TPGS2: variants seen among roughly 807,000 people sequenced by gnomAD.
TPGS2 encodes tubulin polyglutamylase complex subunit 2.
Under a neutral mutation model 31.1 loss-of-function variants are expected in TPGS2, and 26 were observed. The ratio of observed to expected loss-of-function variants is 0.84; its 90% CI spans 0.61 to 1.16. TPGS2 has a LOEUF of 1.16. Among genes scored for constraint, TPGS2 ranks in the 50% most tolerant of loss-of-function variants. The pLI is 0.00. For synonymous variants in TPGS2, 130 were observed against 136.6 expected, an observed-to-expected ratio of 0.95 and a Z score of 0.34; for missense variants, 351 against 363.8, an observed-to-expected ratio of 0.96 and a Z score of 0.29.
chr18:36,811,850 G>C (rs982776199), intron 2 of TPGS2, among the ~76,000 whole-genome samples: 4 of 152,232 alleles, frequency 2.6e-5, no homozygotes, highest in Non-Finnish European at 5.9e-5. Flanking sequence ...GGAAGGGGCA[G>C]AGAAGGCTGT....
chr18:36,803,798 A>G lies in TPGS2; in HGVS notation c.382+1576T>C, dbSNP rs78410309. On this transcript the variant is annotated intron_variant, in intron 4 of 6. Transcript: ENST00000334295. The stretch of plus-strand genomic sequence containing the variant: ...TGTTTGAGAATCTTTGTTTTTATCC[A>G]TAGAAAGTCTTTATGTTGTCTTAAA... Among the ~76,000 whole-genome samples, 217 of 152,282 alleles carry G rather than the reference A, an allele frequency of 1.4e-3. 2 individuals are homozygous for G. The East Asian group carries it at 0.035, about 25-fold the overall frequency.
At position 36,800,369 on chromosome 18, in the gene TPGS2, A is replaced by G. The variant is rs1044815158; in HGVS notation, c.383-58T>C. On this transcript the variant is annotated intron_variant, in intron 4 of 6. Transcript: ENST00000334295. The stretch of plus-strand genomic sequence containing the variant: ...ACAAACTCAACTCAAACACATACCT[A>G]TATATCCAACTTTGCTAGGTGGAAA... 5.5e-5 allele frequency: 80 copies of G among 1,458,280 alleles called. 1 individual carries two copies. Among genetic ancestry groups the G allele is most frequent in the South Asian group, 5.4e-4 (47 of 86,958 alleles). 90.3% of individuals were successfully genotyped at this position (1,458,280 alleles called of 1,614,324 possible). A position where few individuals can be genotyped will look rare whatever the true frequency, so the allele number is the denominator to read the frequency against.
intron 6 of TPGS2, chr18:36,798,159 G>GCCAA: frequency 8.3e-7 from 1 of 1,204,958 alleles, no homozygotes; most frequent in East Asian, 3.9e-5. Flanking sequence ...TGCATGTACT[G>GCCAA]CCAACCCAGA....
chr18:36,800,341 C>T, intron 4 of TPGS2, 30 bp from the exon 5 acceptor site: 2 of 1,598,026 alleles, frequency 1.3e-6, no homozygotes, highest in Non-Finnish European at 1.7e-6. Context: ...TGGTAATGTT[C>T]AAACAAACTC....
At chr18:36,781,329 A>G (rs1017399737), downstream of TPGS2, among the ~76,000 whole-genome samples, 1 of 152,172 alleles carries the variant, frequency 6.6e-6, no homozygotes, top group African/African-American at 2.4e-5. Flanking sequence ...AAAAATCATC[A>G]GGTCACTAAT....
downstream of TPGS2, chr18:36,780,319 G>T: frequency 1.4e-6 from 1 of 691,940 alleles, no homozygotes; most frequent in Non-Finnish European, 2.0e-6. Context: ...TTACCTGTGT[G>T]GTTTGTTTTG....
Position 36,796,913 on chromosome 18 carries a change from C to T in TPGS2, c.795G>A (p.Gly265=), listed in dbSNP as rs770692384. The T allele has an allele frequency of 6.2e-7, 1 of 1,610,280 alleles. No homozygotes were observed. The highest frequency in any genetic ancestry group is 8.5e-7 in the Non-Finnish European group (1 of 1,178,772). Residue 265 remains glycine, a synonymous_variant, in exon 7 of 7, where the codon GGG becomes GGA. Transcript: ENST00000334295. ...KNKIVIPKKK[G]PVQPAGGQKG... is the part of the protein sequence containing the mutation. ...TCTGGCCACCTGCAGGCTGCACAGG[C>T]CCTTTCTTTTTTGGGATTACGATCT...
In TPGS2 at chr18:36,796,895, A is replaced by G; in HGVS notation, c.813T>C (p.Gly271=). The G allele has an allele frequency of 3.7e-6, 6 of 1,611,346 alleles. No homozygotes were observed. Among genetic ancestry groups the G allele is most frequent in the East Asian group, 2.2e-5 (1 of 44,828 alleles). The change falls in exon 7 of 7, where the codon GGT becomes GGC. Residue 271 remains glycine, a synonymous_variant. Transcript: ENST00000334295. ...PKKKGPVQPA[G]GQKGPSGPSG... is the part of the protein sequence containing the mutation. ...AGGGTCCTGAGGGCCCTTTCTGGCC[A>G]CCTGCAGGCTGCACAGGCCCTTTCT...
Position 36,795,824 on chromosome 18 carries a change from C to A in TPGS2, c.*981G>T. 4.1e-6 allele frequency: 4 copies of A among 985,456 alleles called. No homozygotes were observed. The highest frequency in any genetic ancestry group is 4.8e-6 in the Non-Finnish European group (4 of 829,948). 61.0% of individuals were successfully genotyped at this position (985,456 alleles called of 1,614,324 possible). On this transcript the variant is annotated 3_prime_UTR_variant, in exon 7 of 7. Coordinates refer to ENST00000334295, the MANE Select transcript of TPGS2 (RefSeq NM_015476.4). ...AGGGACCAGGCAAAGTGAGGCTGGACAACTCAGAGCTGTGAAGAGGCAGGC... is the reference window on the plus strand; with the variant it reads ...AGGGACCAGGCAAAGTGAGGCTGGAAAACTCAGAGCTGTGAAGAGGCAGGC...
rs1304947630 is a variant in TPGS2, at chr18:36,794,544, A to G, written c.*2261T>C. 7 of 985,326 alleles carry G rather than the reference A, an allele frequency of 7.1e-6. No individual in the cohort carries two copies. Among genetic ancestry groups the G allele is most frequent in the Non-Finnish European group, 8.4e-6 (7 of 829,954 alleles). 61.0% of individuals were successfully genotyped at this position (985,326 alleles called of 1,614,324 possible). A position where few individuals can be genotyped will look rare whatever the true frequency, so the allele number is the denominator to read the frequency against. On this transcript the variant is annotated 3_prime_UTR_variant, in exon 7 of 7. Transcript: ENST00000334295. ...GGGGTATCTGCTGCAGTGGAAGATGACATAACTTCTCAACTCCCTTCTAAC... is the reference window on the plus strand; with the variant it reads ...GGGGTATCTGCTGCAGTGGAAGATGGCATAACTTCTCAACTCCCTTCTAAC...
exon 7 of TPGS2, chr18:36,783,097 G>A (rs1453693225): frequency 5.0e-6 from 2 of 398,308 alleles, no homozygotes; most frequent in Non-Finnish European, 8.8e-6. Flanking sequence ...TAAATCCACC[G>A]GAGGACTAGA....
chr18:36,788,707 GTTTTT>G (rs1472483931), intron 6 of TPGS2: 3 of 152,048 alleles, frequency 2.0e-5, no homozygotes, highest in Admixed American at 1.3e-4. Context: ...GTTTTGTTTT[GTTTTT>G]AATTTTAAAT....
Position 36,828,968 on chromosome 18 carries a change from C to G in TPGS2, c.-201G>C. ...GTTCCCGCGGCCCCGCCCGGTGCCCCACACCGCACCTCCGGGACGTAGCTT... is the reference window on the plus strand; with the variant it reads ...GTTCCCGCGGCCCCGCCCGGTGCCCGACACCGCACCTCCGGGACGTAGCTT... On this transcript the variant is annotated 5_prime_UTR_variant, in exon 1 of 7. Transcript: ENST00000334295. 2.9e-6 allele frequency: 3 copies of G among 1,024,586 alleles called. No homozygotes were observed. The highest frequency in any genetic ancestry group is 2.7e-6 in the Non-Finnish European group (2 of 738,532). The allele number at this position is 1,024,586 out of a possible 1,614,324, so 63.5% of individuals were successfully genotyped here.
intron 1 of TPGS2, chr18:36,823,846 T>G (rs2046014769): frequency 4.1e-6 from 4 of 985,354 alleles, no homozygotes; most frequent in Non-Finnish European, 4.8e-6. Context: ...ATAATCAAGG[T>G]GTGGTATCTC....
intron 1 of TPGS2, chr18:36,823,783 T>C (rs1436226948): frequency 3.1e-6 from 3 of 977,344 alleles, no homozygotes; most frequent in Non-Finnish European, 3.6e-6. Context: ...AAAGGGCTTA[T>C]GTGATTAGAT....
chr18:36,824,035 G>T (rs2046024579), intron 1 of TPGS2, among the ~76,000 whole-genome samples: 1 of 152,104 alleles, frequency 6.6e-6, no homozygotes, highest in African/African-American at 2.4e-5. Context: ...TATATTAGCA[G>T]TCCCCTCTCC....
chr18:36,788,000 T>C (rs575995673), intron 6 of TPGS2, among the ~76,000 whole-genome samples: 2 of 152,360 alleles, frequency 1.3e-5, no homozygotes, highest in African/African-American at 4.8e-5. Flanking sequence ...TTGGTCAATC[T>C]ATCTGTGTGT....
At chr18:36,808,186 C>T (rs981252969) in intron 2 of TPGS2, among the ~76,000 whole-genome samples, 4 of 152,072 alleles carry the variant, frequency 2.6e-5, no homozygotes, top group Non-Finnish European at 4.4e-5. Flanking sequence ...AATGGGCAGC[C>T]ACCTGGCAAA....
At chr18:36,807,135 G>A (rs896649359) in intron 3 of TPGS2, among the ~76,000 whole-genome samples, 1 of 152,112 alleles carries the variant, frequency 6.6e-6, no homozygotes, top group African/African-American at 2.4e-5. Flanking sequence ...GGAGGGGCTG[G>A]GGAATCTGTG....
Sources: allele counts gnomAD v4.1 joint callset (sites outside exome capture counted in the v4.1 genomes callset), GRCh38; gene constraint gnomAD v4.1.1; transcripts MANE v1.5; gene names NCBI Gene and HGNC (gene_info 2026-07-23, HGNC 2026-07-21).